The following CHN2 variants were observed in gnomAD, a reference collection of about 807,000 sequenced individuals.
CHN2 encodes chimerin 2, also known as beta-chimaerin.
A neutral mutation model predicts 56.3 loss-of-function variants in CHN2; 35 were observed. The ratio of observed to expected loss-of-function variants is 0.62; its 90% CI spans 0.47 to 0.82. The LOEUF is 0.82. Among genes scored for constraint, CHN2 ranks in the 40% least tolerant of loss-of-function variants. The probability of loss-of-function intolerance (pLI) is 0.00; values close to 1 mark genes in which losing one functional copy is unlikely to be tolerated. For synonymous variants in CHN2, 210 were observed against 212.8 expected (o/e 0.99, Z 0.12); for missense variants, 491 against 580.5 (o/e 0.85, Z 1.58).
chr7:29,270,686 A>G (rs1790563250), intron 1 of CHN2, among the ~76,000 whole-genome samples: 1 of 151,760 alleles, frequency 6.6e-6, no homozygotes, highest in African/African-American at 2.4e-5. Flanking sequence ...ATAAAATAAA[A>G]AATGATCTAA....
At chr7:29,243,312 T>A (rs1787829161) in intron 1 of CHN2, among the ~76,000 whole-genome samples, 1 of 152,224 alleles carries the variant, frequency 6.6e-6, no homozygotes, top group South Asian at 2.1e-4. Flanking sequence ...TTCCACCCAA[T>A]TTGAGACCAT....
At chr7:29,284,393 C>G (rs1791982225) in intron 1 of CHN2, among the ~76,000 whole-genome samples, 1 of 152,206 alleles carries the variant, frequency 6.6e-6, no homozygotes, top group Non-Finnish European at 1.5e-5. Flanking sequence ...CCACATTTGG[C>G]CTAGGCAAGC....
At chr7:29,498,786 A>G (rs1287399108) in intron 8 of CHN2, among the ~76,000 whole-genome samples, 1 of 104,218 alleles carries the variant, frequency 9.6e-6, no homozygotes, top group Non-Finnish European at 1.7e-5. Context: ...TTTTGGAGAC[A>G]GAGTCTCCCT....
At chr7:29,228,177 C>CGTGT (rs374910303) in intron 1 of CHN2, among the ~76,000 whole-genome samples, 1 of 149,328 alleles carries the variant, frequency 6.7e-6, no homozygotes, top group African/African-American at 2.5e-5. Flanking sequence ...CACACACACA[C>CGTGT]GTGTGTGTGT....
chr7:29,192,184 T>G (rs956868193), upstream of CHN2: 21 of 152,402 alleles, frequency 1.4e-4, no homozygotes, highest in Admixed American at 3.3e-4. Flanking sequence ...TTTGTTGGCC[T>G]TGTATTCCTC....
chr7:29,218,638 C>T (rs375097912), intron 1 of CHN2, among the ~76,000 whole-genome samples: 12 of 151,842 alleles, frequency 7.9e-5, no homozygotes, highest in Non-Finnish European at 1.6e-4. Flanking sequence ...AAATGATGAG[C>T]TCATGTCCTT....
At position 29,400,695 on chromosome 7, in the gene CHN2, CAACT is replaced by C; in HGVS notation, c.447_450del (p.Asn150ProfsTer20). 6.2e-7 allele frequency: 1 copy of C among 1,614,132 alleles called. No homozygotes were observed. The highest frequency in any genetic ancestry group is 8.5e-7 in the Non-Finnish European group (1 of 1,180,028). On this transcript the variant is annotated frameshift_variant, in exon 6 of 13. Coordinates refer to ENST00000222792, the MANE Select transcript of CHN2 (RefSeq NM_004067.4). LOFTEE classifies it high-confidence loss of function. Reference sequence around the variant, plus strand: ...GCTGCCGAGTACATTTCAAAAATGACAACTAACCCCATCTATGAACACATTGGAT... The same window carrying C: ...GCTGCCGAGTACATTTCAAAAATGACAACCCCATCTATGAACACATTGGAT...
chr7:29,278,927 A>G (rs77176970), intron 1 of CHN2, among the ~76,000 whole-genome samples: 1,593 of 152,008 alleles, frequency 0.01, 28 homozygotes, highest in African/African-American at 0.037. Context: ...CTTCATGAAC[A>G]TGCCTCCCCT....
At chr7:29,306,936 A>G (rs1585019324) in intron 1 of CHN2, among the ~76,000 whole-genome samples, 2 of 152,248 alleles carry the variant, frequency 1.3e-5, no homozygotes, top group Admixed American at 1.3e-4. Context: ...ATTAGCTCTC[A>G]GCGTTAAAGA....
chr7:29,400,834 CTG>C lies in CHN2; in HGVS notation c.576+13_576+14del. ...AACACACAGCGGTGGAAAAGGTGAG[CTG>C]TGTGTGATGGAAGCAGCCTTTCGTT... On this transcript the variant is annotated splice_region_variant and intron_variant, in intron 6 of 12. Coordinates refer to ENST00000222792, the MANE Select transcript of CHN2 (RefSeq NM_004067.4). The C allele has an allele frequency of 6.2e-7, 1 of 1,612,336 alleles. No individual in the cohort carries two copies. The highest frequency in any genetic ancestry group is 8.5e-7 in the Non-Finnish European group (1 of 1,179,236).
chr7:29,422,686 G>A (rs1026819801), intron 6 of CHN2, among the ~76,000 whole-genome samples: 4 of 152,228 alleles, frequency 2.6e-5, no homozygotes, highest in Admixed American at 2.0e-4. Flanking sequence ...TCTACGAGAT[G>A]TCAGGGCTAT....
At chr7:29,202,631 T>A (rs1046480849) in intron 1 of CHN2, among the ~76,000 whole-genome samples, 1 of 152,222 alleles carries the variant, frequency 6.6e-6, no homozygotes, top group Non-Finnish European at 1.5e-5. Flanking sequence ...TAGGGCAATA[T>A]GAATCACAGA....
chr7:29,353,487 C>T (rs562335960), intron 1 of CHN2, among the ~76,000 whole-genome samples: 1 of 152,156 alleles, frequency 6.6e-6, no homozygotes, highest in South Asian at 2.1e-4. Context: ...AATGCCGTCT[C>T]AACCAAAACT....
chr7:29,346,356 C>A (rs1797439656), intron 1 of CHN2, among the ~76,000 whole-genome samples: 1 of 152,228 alleles, frequency 6.6e-6, no homozygotes, highest in Admixed American at 6.5e-5. Flanking sequence ...TGGATCCCAA[C>A]CCATTCTGGG....
chr7:29,289,610 C>G (rs1252536356), intron 1 of CHN2, among the ~76,000 whole-genome samples: 1 of 152,168 alleles, frequency 6.6e-6, no homozygotes, highest in South Asian at 2.1e-4. Context: ...TTCTTTGGAA[C>G]AAGCATTATC....
chr7:29,318,190 T>C (rs1795092467), intron 1 of CHN2, among the ~76,000 whole-genome samples: 1 of 152,142 alleles, frequency 6.6e-6, no homozygotes, highest in Admixed American at 6.5e-5. Flanking sequence ...AAATGTCTAG[T>C]AGGCAGTTGG....
At chr7:29,487,683 C>A (rs1788182695) in intron 7 of CHN2, among the ~76,000 whole-genome samples, 1 of 151,702 alleles carries the variant, frequency 6.6e-6, no homozygotes, top group African/African-American at 2.4e-5. Flanking sequence ...CTTCTAACTC[C>A]CTCCCTCTTT....
intron 6 of CHN2, among the ~76,000 whole-genome samples, chr7:29,465,549 A>G (rs1785488432): frequency 6.6e-6 from 1 of 152,230 alleles, no homozygotes; most frequent in African/African-American, 2.4e-5. Context: ...ATAACTTGGC[A>G]CAAGGTCACC....
At chr7:29,262,704 G>T (rs946890644) in intron 1 of CHN2, among the ~76,000 whole-genome samples, 1 of 152,178 alleles carries the variant, frequency 6.6e-6, no homozygotes, top group South Asian at 2.1e-4. Flanking sequence ...TTCTGAAGAT[G>T]GATGGTGGTG....
Sources: allele counts gnomAD v4.1 joint callset (sites outside exome capture counted in the v4.1 genomes callset), GRCh38; gene constraint gnomAD v4.1.1; transcripts MANE v1.5; gene names NCBI Gene and HGNC (gene_info 2026-07-23, HGNC 2026-07-21).